The following DBF4B variants were observed in gnomAD, a reference collection of about 807,000 sequenced individuals.
DBF4B encodes the protein protein DBF4 homolog B.
A neutral mutation model predicts 53.4 loss-of-function variants in DBF4B; 49 were observed. The observed-to-expected ratio is 0.92, with a 90% CI of 0.73 to 1.16. DBF4B has a LOEUF of 1.16. DBF4B is among the 50% of genes most tolerant of loss of function. The pLI is 0.00. For synonymous variants in DBF4B, 257 were observed against 288.7 expected (o/e 0.89, Z 1.11); for missense variants, 692 against 775.0 (o/e 0.89, Z 1.27).
chr17:44,709,237 G>A, intron 1 of DBF4B, 67 bp from the exon 2 acceptor site: 2 of 1,599,554 alleles, frequency 1.3e-6, no homozygotes, highest in South Asian at 1.1e-5. Flanking sequence ...AGACAGTAGT[G>A]GGCGGGAGGC....
At chr17:44,748,155 G>A (rs1421748613) in intron 12 of DBF4B, among the ~76,000 whole-genome samples, 186 bp from the exon 13 acceptor site, 2 of 152,220 alleles carry the variant, frequency 1.3e-5, no homozygotes, top group Non-Finnish European at 2.9e-5. Context: ...CAAGAGAAGT[G>A]CACACAGTGC....
At chr17:44,748,867 G>A (rs749434481) in intron 13 of DBF4B, 8 of 1,290,716 alleles carry the variant, frequency 6.2e-6, no homozygotes, top group Admixed American at 4.6e-5. Flanking sequence ...CAGGCTCCTC[G>A]CCTCCCTCCA....
At chr17:44,727,864 A>ATTTTTTTTTTTT (rs756222247) in intron 3 of DBF4B, among the ~76,000 whole-genome samples, 36 of 106,718 alleles carry the variant, frequency 3.4e-4, no homozygotes, top group Non-Finnish European at 3.9e-4. Flanking sequence ...TGCCCGGGTA[A>ATTTTTTTTTTTT]TTTTTTTTTT....
chr17:44,709,292 G>A lies in DBF4B; in HGVS notation c.20-12G>A. On this transcript the variant is annotated splice_polypyrimidine_tract_variant and intron_variant, in intron 1 of 13. Transcript: ENST00000315005. ...GTGAAGATGGTTGAGTTGCTGTTAT[G>A]TCCTTTCTCAGGAGACGATTGCCTC... 6.2e-7 allele frequency: 1 copy of A among 1,614,056 alleles called. No homozygotes were observed. Among genetic ancestry groups the A allele is most frequent in the Non-Finnish European group, 8.5e-7 (1 of 1,179,984 alleles).
chr17:44,722,760 G>A (rs1234948287), intron 2 of DBF4B, 120 bp from the exon 3 acceptor site: 3 of 1,127,876 alleles, frequency 2.7e-6, no homozygotes, highest in Non-Finnish European at 3.8e-6. Flanking sequence ...AGCTGTCTGT[G>A]TGTGCCCAGG....
At chr17:44,726,400 T>A (rs918007050) in intron 3 of DBF4B, among the ~76,000 whole-genome samples, 45 of 151,444 alleles carry the variant, frequency 3.0e-4, no homozygotes, top group African/African-American at 1.0e-3. Context: ...GGGCAATGCT[T>A]ATTTTTTTTC....
chr17:44,709,251 G>C lies in DBF4B; in HGVS notation c.20-53G>C, dbSNP rs1972643381. On this transcript the variant is annotated intron_variant, in intron 1 of 13. Coordinates refer to ENST00000315005, the MANE Select transcript of DBF4B (RefSeq NM_145663.3). ...GAGACAGTAGTGGGCGGGAGGCATGGAAGTTCCAAGGGTTGGTGAAGATGG... is the reference window on the plus strand; with the variant it reads ...GAGACAGTAGTGGGCGGGAGGCATGCAAGTTCCAAGGGTTGGTGAAGATGG... The C allele has an allele frequency of 3.1e-6, 5 of 1,611,020 alleles. No individual in the cohort carries two copies. In the South Asian group the frequency reaches 5.5e-5, roughly 18 times the overall value.
At chr17:44,736,928 G>T (rs759699741) in intron 8 of DBF4B, 62 bp downstream of exon 8, 3 of 1,573,822 alleles carry the variant, frequency 1.9e-6, no homozygotes, top group South Asian at 1.1e-5. Flanking sequence ...ACTTCCCCAC[G>T]ACTCCCTCTG....
At chr17:44,750,553 G>T in intron 13 of DBF4B, 42 bp from the exon 14 acceptor site, 1 of 1,535,304 alleles carries the variant, frequency 6.5e-7, no homozygotes. Flanking sequence ...GCAAAGAGAT[G>T]GGGCTGGAAT....
intron 2 of DBF4B, chr17:44,719,771 A>G (rs1035048565): frequency 4.7e-5 from 10 of 211,400 alleles, no homozygotes; most frequent in African/African-American, 2.4e-4. Context: ...CAGAACACCA[A>G]TTTGTGAGGA....
In DBF4B at chr17:44,751,211, G is replaced by C; in HGVS notation, c.1806G>C (p.Gln602His). The change falls in exon 14 of 14, where the codon CAG (glutamine) becomes CAC (histidine). Residue 602 changes from glutamine to histidine, a missense_variant. Around this residue, in one of 3 missense-constraint regions of DBF4B, gnomAD observed 597 missense variants for 665.8 expected, o/e 0.90. Transcript: ENST00000315005. ...AACCCCAAGGCTGGAACACTCCTCA[G>C]CCATTTCTCCATTGCGGCTTCCTGG... Reference protein sequence around the residue: ...QAKPQGWNTPQPFLHCGFLAV... With the variant: ...QAKPQGWNTPHPFLHCGFLAV... 6.2e-7 allele frequency: 1 copy of C among 1,613,938 alleles called. No homozygotes were observed. Among genetic ancestry groups the C allele is most frequent in the South Asian group, 1.1e-5 (1 of 91,082 alleles).
intron 5 of DBF4B, chr17:44,731,602 CA>C (rs557058247): frequency 3.5e-4 from 52 of 147,726 alleles, no homozygotes; most frequent in South Asian, 6.2e-4. Context: ...GACTCTGTCT[CA>C]AAAAAAAAAC....
chr17:44,744,889 T>C (rs565693859), intron 10 of DBF4B, among the ~76,000 whole-genome samples: 5 of 152,382 alleles, frequency 3.3e-5, no homozygotes, highest in African/African-American at 9.6e-5. Context: ...CTTCTTTTTA[T>C]ACTTTGCCCA....
chr17:44,729,909 T>C lies in DBF4B; in HGVS notation c.230T>C (p.Ile77Thr), dbSNP rs778104652. ...ACCTCTGTGATCTGGTTTCAGGTAATTGAGGGTTTTCTGAGCAAAGAAGTA... is the reference window on the plus strand; with the variant it reads ...ACCTCTGTGATCTGGTTTCAGGTAACTGAGGGTTTTCTGAGCAAAGAAGTA... The part of the protein sequence containing the change: ...TGAIQQLGGV[I>T]EGFLSKEVSY... The change falls in exon 4 of 14, where the codon ATT becomes ACT. Residue 77 changes from isoleucine (I) to threonine (T), a missense_variant. Ile to Thr is a moderately conservative substitution (Grantham distance 89). Coordinates refer to ENST00000315005, the MANE Select transcript of DBF4B (RefSeq NM_145663.3). 3.7e-6 allele frequency: 6 copies of C among 1,613,644 alleles called. No individual in the cohort carries two copies. The highest frequency in any genetic ancestry group is 1.6e-4 in the Middle Eastern group (1 of 6,066).
chr17:44,730,838 T>A, intron 4 of DBF4B, 127 bp from the exon 5 acceptor site: 1 of 903,974 alleles, frequency 1.1e-6, no homozygotes. Flanking sequence ...AATCCTCAGT[T>A]GTCACTGCTC....
At position 44,731,029 on chromosome 17, in the gene DBF4B, A is replaced by G. The variant is rs753024578; in HGVS notation, c.468+14A>G. The G allele has an allele frequency of 2.5e-6, 4 of 1,613,986 alleles. No individual in the cohort carries two copies. Among genetic ancestry groups the G allele is most frequent in the African/African-American group, 2.7e-5 (2 of 75,058 alleles). On this transcript the variant is annotated intron_variant, in intron 5 of 13. Transcript: ENST00000315005. ...ATCAGAAACCAGGTGAGCTGGGGCA[A>G]GATGGGACAGAGCCGGTGGTCTCCA...
intron 13 of DBF4B, chr17:44,750,061 TCTC>T: frequency 1.0e-6 from 1 of 999,628 alleles, no homozygotes; most frequent in Non-Finnish European, 1.2e-6. Context: ...TCTCGCCCCT[TCTC>T]TGCCTCCTCA....
At chr17:44,715,812 C>CTTTTTTTTTTTTTTTTTTTTTTT (rs869200833) in intron 2 of DBF4B, among the ~76,000 whole-genome samples, 1 of 55,512 alleles carries the variant, frequency 1.8e-5, no homozygotes, top group Non-Finnish European at 3.3e-5. Flanking sequence ...TTCTTTCTTT[C>CTTTTTTTTTTTTTTTTTTTTTTT]TTTTTTTTTT....
chr17:44,723,620 A>G (rs1974043254), intron 3 of DBF4B, among the ~76,000 whole-genome samples: 1 of 151,898 alleles, frequency 6.6e-6, no homozygotes, highest in African/African-American at 2.4e-5. Context: ...TTAGCCAGGC[A>G]TCATAGTGGG....
Sources: allele counts gnomAD v4.1 joint callset (sites outside exome capture counted in the v4.1 genomes callset), GRCh38; gene constraint gnomAD v4.1.1; regional missense constraint gnomAD v4.1.1; transcripts MANE v1.5; gene names NCBI Gene and HGNC (gene_info 2026-07-23, HGNC 2026-07-21).